Variants in SMARCA1 observed in about 807,000 individuals in gnomAD.
The protein encoded by SMARCA1 is SWI/SNF-related matrix-associated actin-dependent regulator of chromatin subfamily A member 1.
SMARCA1 carries 17 observed loss-of-function variants against 93.6 expected under a neutral mutation model. That is an observed-to-expected ratio of 0.18 (90% CI 0.12 to 0.27). SMARCA1 has a LOEUF of 0.27. Among genes scored for constraint, SMARCA1 ranks in the 10% least tolerant of loss-of-function variants. The probability of loss-of-function intolerance (pLI) is 1.00; values close to 1 mark genes in which losing one functional copy is unlikely to be tolerated. For missense variants in SMARCA1, 630 were observed against 819.0 expected, an observed-to-expected ratio of 0.77 and a Z score of 2.82; for synonymous variants, 271 against 271.4, an observed-to-expected ratio of 1.00 and a Z score of 0.01.
intron 20 of SMARCA1, 58 bp downstream of exon 20, chrX:129,471,146 T>C: frequency 1.0e-6 from 1 of 992,917 alleles, no homozygotes; most frequent in Non-Finnish European, 1.4e-6. Context: ...GTGTGATCTA[T>C]ATTTTCTTTT....
intron 1 of SMARCA1, among the ~76,000 whole-genome samples, chrX:129,520,498 A>T (rs1173178386): frequency 2.7e-5 from 3 of 110,734 alleles, no homozygotes; most frequent in Non-Finnish European, 3.8e-5. Flanking sequence ...TCAGAAACCT[A>T]TTTTCTTTTT....
intron 23 of SMARCA1, among the ~76,000 whole-genome samples, chrX:129,457,802 T>C (rs1932699798): frequency 8.9e-6 from 1 of 112,191 alleles, no homozygotes; most frequent in Non-Finnish European, 1.9e-5. Flanking sequence ...GAGAACAAGC[T>C]GATTTCCTAT....
At chrX:129,472,907 C>T (rs948006600) in intron 19 of SMARCA1, among the ~76,000 whole-genome samples, 7 of 111,643 alleles carry the variant, frequency 6.3e-5, no homozygotes, top group Non-Finnish European at 9.4e-5. Context: ...ATGAGGGAAA[C>T]TCTACCTATA....
intron 23 of SMARCA1, among the ~76,000 whole-genome samples, chrX:129,463,602 T>C (rs1932842910): frequency 8.9e-6 from 1 of 112,047 alleles, no homozygotes; most frequent in African/African-American, 3.2e-5. Flanking sequence ...TATCTTTTCA[T>C]ATTCTTTTGT....
intron 23 of SMARCA1, among the ~76,000 whole-genome samples, chrX:129,453,290 C>T (rs763174783): frequency 5.2e-4 from 58 of 111,524 alleles, no homozygotes; most frequent in African/African-American, 1.7e-3. Context: ...TTGAGCTAAA[C>T]AACTAGCCAA....
chrX:129,522,580 C>A lies in SMARCA1; in HGVS notation c.174+617G>T, dbSNP rs768556962. On this transcript the variant is annotated intron_variant, in intron 1 of 24. Coordinates refer to ENST00000371121, the MANE Select transcript of SMARCA1 (RefSeq NM_001282874.2). ...TCCTTTCCTCGGGGTGACACCCCCACCTCGGCAGGCGGGGTTCAAACGAAC... is the reference window on the plus strand; with the variant it reads ...TCCTTTCCTCGGGGTGACACCCCCAACTCGGCAGGCGGGGTTCAAACGAAC... 3.0e-4 allele frequency among the ~76,000 whole-genome samples: 33 copies of A among 110,926 alleles called. 1 individual carries two copies. In the Middle Eastern group the frequency reaches 0.014, roughly 47 times the overall value.
chrX:129,476,589 C>G (rs1569432797), intron 19 of SMARCA1, among the ~76,000 whole-genome samples: 1 of 111,527 alleles, frequency 9.0e-6, no homozygotes, highest in African/African-American at 3.3e-5. Flanking sequence ...CATCACCTAT[C>G]TCCCCTTGGC....
chrX:129,487,652 G>A (rs1169894237), intron 16 of SMARCA1, among the ~76,000 whole-genome samples: 1 of 111,979 alleles, frequency 8.9e-6, no homozygotes, highest in Non-Finnish European at 1.9e-5. Context: ...TAACTCAAAA[G>A]GCAAACAACC....
chrX:129,483,741 C>T lies in SMARCA1; in HGVS notation c.2218-2556G>A, dbSNP rs1055054205. Among the ~76,000 whole-genome samples, 3 of 111,700 alleles carry T rather than the reference C, an allele frequency of 2.7e-5. No individual in the cohort carries two copies. The Admixed American group carries it at 2.9e-4, about 11-fold the overall frequency. On this transcript the variant is annotated intron_variant, in intron 17 of 24. Transcript: ENST00000371121. ...AATTAGTTTACTTTACATAAGAGTA[C>T]ATTAATGCTAACTTATCTGGGTTAA... is the stretch of plus-strand genomic sequence containing the variant.
At chrX:129,499,051 T>G (rs188786729) in intron 10 of SMARCA1, among the ~76,000 whole-genome samples, 2 of 111,017 alleles carry the variant, frequency 1.8e-5, no homozygotes, top group Admixed American at 9.6e-5. Context: ...AATGCTTTTT[T>G]TTTTGAGACA....
intron 13 of SMARCA1, 101 bp downstream of exon 13, chrX:129,492,939 G>A (rs1934186611): frequency 3.0e-6 from 1 of 332,257 alleles, no homozygotes; most frequent in Non-Finnish European, 5.5e-6. Flanking sequence ...GGGGCGGTGA[G>A]ACGGGCACTC....
chrX:129,520,473 T>G (rs115335562), intron 1 of SMARCA1, among the ~76,000 whole-genome samples: 2,522 of 111,209 alleles, frequency 0.023, 83 homozygotes, highest in African/African-American at 0.077. Flanking sequence ...GTATTCATCA[T>G]GAAAGCGCTC....
intron 21 of SMARCA1, among the ~76,000 whole-genome samples, chrX:129,467,938 G>C (rs1054379694): frequency 1.2e-4 from 14 of 112,307 alleles, no homozygotes; most frequent in Admixed American, 1.2e-3. Context: ...CAAATGATAA[G>C]TTTAAGAGCT....
At position 129,481,327 on chromosome X, in the gene SMARCA1, C is replaced by T. The variant is rs983393853; in HGVS notation, c.2218-142G>A. 1.1e-4 allele frequency: 50 copies of T among 440,827 alleles called. No homozygotes were observed. In the Middle Eastern group the frequency reaches 1.5e-3, roughly 13 times the overall value. 36.3% of individuals were successfully genotyped at this position (440,827 alleles called of 1,213,427 possible). A position where few individuals can be genotyped will look rare whatever the true frequency, so the allele number is the denominator to read the frequency against. ...AACTTGCCTTATAAATCACAATTTA[C>T]CTCCAAAGTTCCAAAACATAGTGGT... On this transcript the variant is annotated intron_variant, in intron 17 of 24. Transcript: ENST00000371121.
At chrX:129,504,887 G>T in intron 8 of SMARCA1, 85 bp from the exon 9 acceptor site, 1 of 539,712 alleles carries the variant, frequency 1.9e-6, no homozygotes, top group Non-Finnish European at 3.1e-6. Flanking sequence ...CAACCAATAC[G>T]GAAATAATGC....
chrX:129,490,616 G>C (rs1457494867), intron 14 of SMARCA1, among the ~76,000 whole-genome samples: 1 of 112,061 alleles, frequency 8.9e-6, no homozygotes, highest in Non-Finnish European at 1.9e-5. Flanking sequence ...GCAGTAAAGA[G>C]TTATAAAAAT....
chrX:129,486,656 T>A (rs1375870831), intron 17 of SMARCA1, among the ~76,000 whole-genome samples: 1 of 110,936 alleles, frequency 9.0e-6, no homozygotes, highest in African/African-American at 3.3e-5. Context: ...ATGAGAAAAT[T>A]GAGAATACCC....
At chrX:129,450,114 G>A (rs113851476) in intron 23 of SMARCA1, among the ~76,000 whole-genome samples, 2,174 of 112,198 alleles carry the variant, frequency 0.019, 49 homozygotes, top group African/African-American at 0.066. Context: ...ATTTGAAGAT[G>A]GGGACTTGTG....
chrX:129,521,133 G>A (rs1935377144), intron 1 of SMARCA1, among the ~76,000 whole-genome samples: 1 of 111,099 alleles, frequency 9.0e-6, no homozygotes, highest in African/African-American at 3.3e-5. Flanking sequence ...TGATCTACCC[G>A]CCTCGGCCTC....
Sources: allele counts gnomAD v4.1 joint callset (sites outside exome capture counted in the v4.1 genomes callset), GRCh38; gene constraint gnomAD v4.1.1; transcripts MANE v1.5; gene names NCBI Gene and HGNC (gene_info 2026-07-23, HGNC 2026-07-21).